Variants in HS3ST5 observed in about 807,000 individuals in gnomAD.
The protein encoded by HS3ST5 is heparan sulfate-glucosamine 3-sulfotransferase 5.
In HS3ST5, 10 loss-of-function variants were observed where a neutral mutation model predicts 25.4. That is an observed-to-expected ratio of 0.39 (90% CI 0.24 to 0.67). The LOEUF is 0.67. HS3ST5 is among the 30% of genes least tolerant of loss of function. The probability of loss-of-function intolerance (pLI) is 0.44; values close to 1 mark genes in which losing one functional copy is unlikely to be tolerated. For missense variants in HS3ST5, 324 were observed against 420.7 expected, an observed-to-expected ratio of 0.77 and a Z score of 2.01; for synonymous variants, 170 against 162.4, an observed-to-expected ratio of 1.05 and a Z score of -0.36.
intron 3 of HS3ST5, among the ~76,000 whole-genome samples, chr6:114,067,673 G>A (rs887209597): frequency 1.3e-5 from 2 of 152,110 alleles, no homozygotes; most frequent in Non-Finnish European, 2.9e-5. Context: ...CATTTTGTTT[G>A]CAAGGCTGGC....
At chr6:114,248,144 T>C (rs1184810830) in intron 1 of HS3ST5, among the ~76,000 whole-genome samples, 1 of 149,942 alleles carries the variant, frequency 6.7e-6, no homozygotes, top group Non-Finnish European at 1.5e-5. Context: ...GAAGTTGCAG[T>C]GAGCTGAGAT....
chr6:114,096,655 A>G (rs1775442921), intron 3 of HS3ST5, among the ~76,000 whole-genome samples: 1 of 152,194 alleles, frequency 6.6e-6, no homozygotes, highest in South Asian at 2.1e-4. Flanking sequence ...AAAAAAGTCA[A>G]CCAAATATGT....
Position 114,130,875 on chromosome 6 carries a change from C to CA in HS3ST5, c.-33+37475dup, listed in dbSNP as rs1427870098. Among the ~76,000 whole-genome samples, 141 of 151,724 alleles carry CA rather than the reference C, an allele frequency of 9.3e-4. 2 individuals carry two copies. The highest frequency in any genetic ancestry group is 2.1e-3 in the African/African-American group (86 of 41,410). ...TGAGCCACCGTGCCCAGCCATATTA[C>CA]AAAAAAAATTTTAAAATTAGCTGAG... On this transcript the variant is annotated intron_variant, in intron 3 of 4. Coordinates refer to ENST00000312719, the MANE Select transcript of HS3ST5 (RefSeq NM_153612.4).
chr6:114,174,839 A>G (rs1235125073), intron 2 of HS3ST5, among the ~76,000 whole-genome samples: 3 of 152,088 alleles, frequency 2.0e-5, no homozygotes, highest in Admixed American at 2.0e-4. Flanking sequence ...CTAAAAATAC[A>G]AAAATTAGCT....
chr6:114,196,756 A>AT (rs1336428359), intron 2 of HS3ST5, among the ~76,000 whole-genome samples: 1 of 152,100 alleles, frequency 6.6e-6, no homozygotes, highest in Non-Finnish European at 1.5e-5. Flanking sequence ...ATAATAAGCT[A>AT]TATGATTATT....
At chr6:114,085,990 T>G (rs1774793992) in intron 3 of HS3ST5, among the ~76,000 whole-genome samples, 1 of 143,640 alleles carries the variant, frequency 7.0e-6, no homozygotes, top group Non-Finnish European at 1.5e-5. Flanking sequence ...TCTGTTCTTT[T>G]ATGGACATTC....
chr6:114,297,126 G>A (rs1170236140), intron 1 of HS3ST5, among the ~76,000 whole-genome samples: 1 of 152,076 alleles, frequency 6.6e-6, no homozygotes, highest in Non-Finnish European at 1.5e-5. Flanking sequence ...GGCCCAGAGA[G>A]GCTAACGGAC....
chr6:114,217,712 A>G (rs1021314244), intron 2 of HS3ST5, among the ~76,000 whole-genome samples: 1 of 152,226 alleles, frequency 6.6e-6, no homozygotes, highest in Admixed American at 6.5e-5. Flanking sequence ...ATTGAGACTT[A>G]GCAAACTGAA....
intron 3 of HS3ST5, among the ~76,000 whole-genome samples, chr6:114,082,217 G>A (rs1774492209): frequency 6.6e-6 from 1 of 152,144 alleles, no homozygotes; most frequent in African/African-American, 2.4e-5. Flanking sequence ...AAAATATGTA[G>A]GACTTCTTTC....
intron 1 of HS3ST5, among the ~76,000 whole-genome samples, chr6:114,273,828 A>G (rs1773733368): frequency 6.6e-6 from 1 of 152,000 alleles, no homozygotes; most frequent in Non-Finnish European, 1.5e-5. Context: ...AGGGTGGTCC[A>G]AGAGAGGGGA....
intron 2 of HS3ST5, among the ~76,000 whole-genome samples, chr6:114,225,122 G>T (rs1245792492): frequency 1.3e-5 from 2 of 151,774 alleles, no homozygotes; most frequent in African/African-American, 4.8e-5. Flanking sequence ...CCTATTCATT[G>T]TTGGGTATCT....
intron 3 of HS3ST5, among the ~76,000 whole-genome samples, chr6:114,120,961 C>T (rs1173297474): frequency 6.6e-6 from 1 of 152,150 alleles, no homozygotes; most frequent in Admixed American, 6.6e-5. Context: ...GAGAATATAA[C>T]TCAGCATTTA....
chr6:114,300,153 C>A (rs989040747), intron 1 of HS3ST5, among the ~76,000 whole-genome samples: 6 of 151,110 alleles, frequency 4.0e-5, no homozygotes, highest in African/African-American at 7.3e-5. Context: ...AAGAAAAAAA[C>A]CGGATTTCAT....
intron 1 of HS3ST5, among the ~76,000 whole-genome samples, chr6:114,331,999 A>T (rs934510341): frequency 8.6e-5 from 13 of 152,024 alleles, no homozygotes; most frequent in South Asian, 2.1e-4. Context: ...GATATAATTT[A>T]AAAAATTTAA....
At position 114,057,411 on chromosome 6, in the gene HS3ST5, C is replaced by T. The variant is rs772196051; in HGVS notation, c.887G>A (p.Arg296Gln). 68 of 1,614,014 alleles carry T rather than the reference C, an allele frequency of 4.2e-5. No individual in the cohort carries two copies. Among genetic ancestry groups the T allele is most frequent in the Admixed American group, 1.7e-4 (10 of 60,000 alleles). The change falls in exon 5 of 5, where the codon CGG (arginine) becomes CAG (glutamine). Residue 296 changes from arginine (R) to glutamine (Q), a missense_variant. By Grantham distance (43) the Arg-to-Gln change is conservative. Coordinates refer to ENST00000312719, the MANE Select transcript of HS3ST5 (RefSeq NM_153612.4). Reference protein sequence around the residue: ...FNATRGFYCLRFNIIFNKCLA... With the variant: ...FNATRGFYCLQFNIIFNKCLA... ...GCACTTATTAAAGATAATATTAAAC[C>T]GCAAGCAGTAAAACCCTCTGGTAGC... is the stretch of plus-strand genomic sequence containing the variant.
chr6:114,339,461 T>C (rs930874158), intron 1 of HS3ST5, among the ~76,000 whole-genome samples: 7 of 150,664 alleles, frequency 4.6e-5, no homozygotes, highest in African/African-American at 1.7e-4. Flanking sequence ...TGTTCATTTA[T>C]ATATAATTGC....
chr6:114,294,441 CTTTTTTTTTT>C (rs57443813), intron 1 of HS3ST5, among the ~76,000 whole-genome samples: 1 of 112,968 alleles, frequency 8.9e-6, no homozygotes, highest in Non-Finnish European at 1.8e-5. Flanking sequence ...AGGTTAGAAA[CTTTTTTTTTT>C]TTTTTTTTTT....
At chr6:114,134,612 G>A (rs559649491) in intron 3 of HS3ST5, among the ~76,000 whole-genome samples, 2 of 152,076 alleles carry the variant, frequency 1.3e-5, no homozygotes, top group African/African-American at 2.4e-5. Context: ...ATACCTGCTC[G>A]GGCCTTACCC....
chr6:114,121,120 C>G (rs1776764556), intron 3 of HS3ST5, among the ~76,000 whole-genome samples: 1 of 152,192 alleles, frequency 6.6e-6, no homozygotes, highest in South Asian at 2.1e-4. Flanking sequence ...GTACCTCAGG[C>G]TTATAAATCG....
Sources: allele counts gnomAD v4.1 joint callset (sites outside exome capture counted in the v4.1 genomes callset), GRCh38; gene constraint gnomAD v4.1.1; transcripts MANE v1.5; gene names NCBI Gene and HGNC (gene_info 2026-07-23, HGNC 2026-07-21).